MTMR6: variants seen among roughly 807,000 people sequenced by gnomAD.
The protein encoded by MTMR6 is myotubularin related protein 6, also known as phosphatidylinositol-3,5-bisphosphate 3-phosphatase MTMR6.
Under a neutral mutation model 80.1 loss-of-function variants are expected in MTMR6, and 47 were observed. That is an observed-to-expected ratio of 0.59 (90% CI 0.46 to 0.75). The LOEUF (loss-of-function observed/expected upper bound fraction) is 0.75. Among genes scored for constraint, MTMR6 ranks in the 30% least tolerant of loss-of-function variants. The pLI is 0.00. For synonymous variants in MTMR6, 254 were observed against 253.0 expected (o/e 1.00, Z -0.04); for missense variants, 629 against 730.9 (o/e 0.86, Z 1.61).
In MTMR6 at chr13:25,274,094, C is replaced by T. The variant is rs376766637; in HGVS notation, c.118G>A (p.Asp40Asn). ...ACCCAGGTTTCTTTTTGATGAGAGT[C>T]GATAAATAATAGATGTGTAGCCGTA... ...YLTATHLLFI[D>N]SHQKETWILH... The change falls in exon 2 of 14, where the codon GAC becomes AAC. Residue 40 changes from aspartate to asparagine, a missense_variant. Physicochemically the swap from Asp to Asn is conservative, Grantham distance 23 (BLOSUM62 1). Coordinates refer to ENST00000381801, the MANE Select transcript of MTMR6 (RefSeq NM_004685.5). The T allele has an allele frequency of 1.9e-4, 306 of 1,606,464 alleles. 5 individuals are homozygous for T. Among genetic ancestry groups the T allele is most frequent in the South Asian group, 5.0e-4 (45 of 90,126 alleles).
At chr13:25,257,413 G>T in intron 8 of MTMR6, 92 bp from the exon 9 acceptor site, 5 of 1,434,582 alleles carry the variant, frequency 3.5e-6, no homozygotes, top group Non-Finnish European at 4.7e-6. Context: ...TGTGTTACAA[G>T]GAAGTGCTAT....
chr13:25,269,625 A>G (rs1323080129), intron 2 of MTMR6, among the ~76,000 whole-genome samples: 1 of 152,146 alleles, frequency 6.6e-6, no homozygotes, highest in East Asian at 1.9e-4. Context: ...TTTGTTTTGT[A>G]GTGAGGGATG....
intron 1 of MTMR6, among the ~76,000 whole-genome samples, chr13:25,274,939 G>GACAGAC (rs141646990): frequency 0.02 from 852 of 42,958 alleles, 18 homozygotes; most frequent in Non-Finnish European, 0.029. Flanking sequence ...CTAGTAGACA[G>GACAGAC]ACACACACAC....
intron 9 of MTMR6, among the ~76,000 whole-genome samples, chr13:25,256,713 C>T (rs1453904695): frequency 2.0e-5 from 3 of 152,240 alleles, no homozygotes; most frequent in East Asian, 1.9e-4. Flanking sequence ...AGATATAAAA[C>T]ATGCCTAATA....
intron 5 of MTMR6, 94 bp downstream of exon 5, chr13:25,265,725 C>G (rs1957439508): frequency 1.5e-6 from 2 of 1,361,234 alleles, no homozygotes; most frequent in African/African-American, 3.0e-5. Flanking sequence ...GAGCGAGACC[C>G]TATCTCAAAA....
chr13:25,249,514 A>G, intron 13 of MTMR6, 22 bp from the exon 14 acceptor site: 1 of 1,602,422 alleles, frequency 6.2e-7, no homozygotes, highest in Non-Finnish European at 8.5e-7. Flanking sequence ...ACAAATTTGA[A>G]AAAATTACTA....
chr13:25,269,886 C>T (rs1957535845), intron 2 of MTMR6, among the ~76,000 whole-genome samples: 1 of 151,894 alleles, frequency 6.6e-6, no homozygotes, highest in African/African-American at 2.4e-5. Context: ...TATTAATGCG[C>T]CTGTGACAAG....
chr13:25,271,107 C>G (rs917069222), intron 2 of MTMR6, among the ~76,000 whole-genome samples: 6 of 152,088 alleles, frequency 3.9e-5, no homozygotes, highest in African/African-American at 1.2e-4. Flanking sequence ...ATTCCTCCCC[C>G]CCTTCCTTAC....
chr13:25,267,755 A>G, intron 3 of MTMR6, 24 bp downstream of exon 3: 1 of 1,595,638 alleles, frequency 6.3e-7, no homozygotes, highest in South Asian at 1.1e-5. Context: ...TGAGCATGTA[A>G]GCTTTGGTCT....
chr13:25,258,418 T>C, intron 7 of MTMR6, 142 bp downstream of exon 7: 1 of 596,414 alleles, frequency 1.7e-6, no homozygotes, highest in Non-Finnish European at 2.7e-6. Flanking sequence ...TATAATATAT[T>C]AAGTAAGGAT....
chr13:25,252,990 GTTAAGTGCTC>G (rs1957122291), intron 11 of MTMR6, among the ~76,000 whole-genome samples: 1 of 152,096 alleles, frequency 6.6e-6, no homozygotes, highest in African/African-American at 2.4e-5. Context: ...TCAAAAGTCT[GTTAAGTGCTC>G]TTTATTGCCT....
Position 25,254,443 on chromosome 13 carries a change from G to A in MTMR6, c.1096-9C>T, listed in dbSNP as rs762175611. 4.6e-6 allele frequency: 7 copies of A among 1,518,844 alleles called. No homozygotes were observed. The Admixed American group carries it at 7.0e-5, about 15-fold the overall frequency. 94.1% of individuals were successfully genotyped at this position (1,518,844 alleles called of 1,614,324 possible). On this transcript the variant is annotated splice_polypyrimidine_tract_variant and intron_variant, in intron 9 of 13. Transcript: ENST00000381801. ...TCCTTTTCTATTAAAACCTTAATGA[G>A]AAAAAGTAAAATTCACTTTCTGACT...
At chr13:25,252,451 T>G (rs1957112204) in intron 11 of MTMR6, among the ~76,000 whole-genome samples, 1 of 152,216 alleles carries the variant, frequency 6.6e-6, no homozygotes, top group Non-Finnish European at 1.5e-5. Context: ...AAAATCAGGA[T>G]GTTATGCAAG....
chr13:25,250,400 C>T (rs922071837), intron 13 of MTMR6, among the ~76,000 whole-genome samples: 3 of 152,056 alleles, frequency 2.0e-5, no homozygotes, highest in African/African-American at 7.2e-5. Context: ...ATAGGCTGGA[C>T]AAAACCATTT....
At chr13:25,278,605 C>T (rs1008516025) in intron 1 of MTMR6, among the ~76,000 whole-genome samples, 5 of 146,850 alleles carry the variant, frequency 3.4e-5, no homozygotes, top group East Asian at 2.0e-4. Flanking sequence ...CCCAGCTACT[C>T]GGGAGGCTGA....
chr13:25,274,558 A>T (rs1957664061), intron 1 of MTMR6, among the ~76,000 whole-genome samples: 1 of 152,230 alleles, frequency 6.6e-6, no homozygotes. Context: ...ATCTAGTTTT[A>T]GAGTAAACTA....
chr13:25,258,685 G>C lies in MTMR6; in HGVS notation c.734C>G (p.Ala245Gly). The change falls in exon 7 of 14, where the codon GCA becomes GGA. Residue 245 changes from alanine (A) to glycine (G), a missense_variant. Transcript: ENST00000381801. Reference sequence around the variant, plus strand: ...TTTTCCAGCTGCTCTGTTGGCCATTGCATTCAGCTAAAATTAAAAGTTTTA... The same window carrying C: ...TTTTCCAGCTGCTCTGTTGGCCATTCCATTCAGCTAAAATTAAAAGTTTTA... The part of the protein sequence containing the change: ...YVMDTRPKLN[A>G]MANRAAGKGY... 2 of 1,548,618 alleles carry C rather than the reference G, an allele frequency of 1.3e-6. No homozygotes were observed. The highest frequency in any genetic ancestry group is 1.7e-6 in the Non-Finnish European group (2 of 1,157,706).
chr13:25,266,047 C>T, intron 4 of MTMR6, 82 bp downstream of exon 4: 1 of 1,592,214 alleles, frequency 6.3e-7, no homozygotes, highest in Non-Finnish European at 8.6e-7. Flanking sequence ...CATTTCAGTA[C>T]ACAGACAACT....
chr13:25,250,183 T>C (rs895050784), intron 13 of MTMR6, among the ~76,000 whole-genome samples: 1 of 152,176 alleles, frequency 6.6e-6, no homozygotes. Flanking sequence ...CTTACTGTTA[T>C]AACTGTCTAG....
Sources: gnomAD v4.1 joint callset for allele counts (sites outside exome capture counted in the v4.1 genomes callset) on GRCh38, gnomAD v4.1.1 for gene constraint, MANE v1.5 for transcripts, NCBI Gene and HGNC (gene_info 2026-07-23, HGNC 2026-07-21) for gene names.